The following TMEM164 variants were observed in gnomAD, a reference collection of about 807,000 sequenced individuals.
TMEM164 encodes the protein RP13-360B22.2.
In TMEM164, 4 loss-of-function variants were observed where a neutral mutation model predicts 18.8. The observed-to-expected ratio is 0.21, with a 90% CI of 0.10 to 0.49. TMEM164 has a LOEUF of 0.49. Ranked by LOEUF, TMEM164 falls within the 20% of genes least tolerant of loss-of-function variation. The pLI is 0.98. For missense variants in TMEM164, 108 were observed against 239.9 expected (o/e 0.45, Z 3.63); for synonymous variants, 86 against 101.7 (o/e 0.85, Z 0.93).
chrX:110,050,860 G>A (rs1179265774), intron 2 of TMEM164, among the ~76,000 whole-genome samples: 1 of 112,427 alleles, frequency 8.9e-6, no homozygotes, highest in East Asian at 2.8e-4. Flanking sequence ...CTAATTCAGG[G>A]TTGCTTTCAG....
intron 2 of TMEM164, among the ~76,000 whole-genome samples, chrX:110,049,371 G>T (rs1035526037): frequency 2.7e-5 from 3 of 110,742 alleles, no homozygotes; most frequent in African/African-American, 9.9e-5. Context: ...TCCATGGACT[G>T]AGGTGGGGGG....
chrX:110,093,795 A>T lies in TMEM164; in HGVS notation c.441-15285A>T, dbSNP rs184814981. On this transcript the variant is annotated intron_variant, in intron 3 of 6. Transcript: ENST00000372068. ...CTGTGATTTTAGGTGTCAATTTTAG[A>T]TCTTTCCTGCTTTCTCTTGTGGGCA... Among the ~76,000 whole-genome samples the T allele has an allele frequency of 3.6e-5, 4 of 111,551 alleles. No individual in the cohort carries two copies. In the Admixed American group the frequency reaches 3.8e-4, roughly 11 times the overall value.
intron 4 of TMEM164, among the ~76,000 whole-genome samples, chrX:110,119,909 T>C (rs1448281642): frequency 8.9e-6 from 1 of 111,882 alleles, no homozygotes; most frequent in East Asian, 2.8e-4. Flanking sequence ...TGAAGGGGGC[T>C]TTGTTTCTGC....
At chrX:110,020,281 T>C in intron 2 of TMEM164, 1 of 619,375 alleles carries the variant, frequency 1.6e-6, no homozygotes, top group African/African-American at 2.4e-5. Flanking sequence ...AATCCCTTTG[T>C]TTTCCAGATG....
intron 3 of TMEM164, among the ~76,000 whole-genome samples, chrX:110,095,188 C>T (rs1389993959): frequency 3.1e-4 from 34 of 111,158 alleles, no homozygotes; most frequent in Admixed American, 5.8e-4. Flanking sequence ...AGTATCTTTG[C>T]GGTGTTCTCT....
intron 5 of TMEM164, among the ~76,000 whole-genome samples, chrX:110,145,703 A>G (rs760911991): frequency 8.9e-6 from 1 of 112,123 alleles, no homozygotes; most frequent in African/African-American, 3.2e-5. Context: ...CCATACTGAA[A>G]GTGGCATGAG....
intron 3 of TMEM164, among the ~76,000 whole-genome samples, chrX:110,105,585 A>G (rs1325355839): frequency 2.8e-5 from 3 of 108,946 alleles, no homozygotes; most frequent in Non-Finnish European, 3.8e-5. Context: ...CAGAACACAC[A>G]AGGGGTTTAG....
At position 110,071,109 on chromosome X, in the gene TMEM164, A is replaced by G. The variant is rs1490670867; in HGVS notation, c.440+3713A>G. On this transcript the variant is annotated intron_variant, in intron 3 of 6. Coordinates refer to ENST00000372068, the MANE Select transcript of TMEM164 (RefSeq NM_032227.4). ...TGCTGTTGGTGTTTGTTAATAGTCTATTATACTTAAGTAGTTTTTACATTT... is the reference window on the plus strand; with the variant it reads ...TGCTGTTGGTGTTTGTTAATAGTCTGTTATACTTAAGTAGTTTTTACATTT... Among the ~76,000 whole-genome samples, 3 of 110,677 alleles carry G rather than the reference A, an allele frequency of 2.7e-5. 1 individual carries two copies. Among genetic ancestry groups the G allele is most frequent in the South Asian group, 7.4e-4 (2 of 2,691 alleles).
At chrX:110,166,439 G>A (rs113753123) in intron 5 of TMEM164, among the ~76,000 whole-genome samples, 5,682 of 112,247 alleles carry the variant, frequency 0.051, 361 homozygotes, top group African/African-American at 0.17. Context: ...TAGATGTTGA[G>A]TGAATGGGTA....
chrX:110,009,448 T>TTTTG (rs1366347074), intron 2 of TMEM164, among the ~76,000 whole-genome samples: 1 of 111,287 alleles, frequency 9.0e-6, no homozygotes, highest in Non-Finnish European at 1.9e-5. Context: ...GATCATTTTT[T>TTTTG]TTTGTTTGTT....
intron 5 of TMEM164, among the ~76,000 whole-genome samples, chrX:110,158,191 T>C (rs5942899): frequency 0.48 from 52,671 of 110,860 alleles, 11,739 homozygotes; most frequent in Non-Finnish European, 0.7. Flanking sequence ...CTGACCTGAA[T>C]TGAAATTTAA....
At chrX:110,052,792 A>T (rs1367793903) in intron 2 of TMEM164, among the ~76,000 whole-genome samples, 2 of 86,614 alleles carry the variant, frequency 2.3e-5, no homozygotes, top group African/African-American at 9.2e-5. Flanking sequence ...GCTCTGTCGC[A>T]TAGGCTGGAG....
intron 3 of TMEM164, among the ~76,000 whole-genome samples, chrX:110,081,577 A>G (rs188363433): frequency 2.0e-4 from 22 of 112,414 alleles, no homozygotes; most frequent in African/African-American, 6.1e-4. Flanking sequence ...TCCAGAGCCC[A>G]TGCTGCTAAT....
intron 4 of TMEM164, among the ~76,000 whole-genome samples, chrX:110,123,853 T>C (rs2066485618): frequency 9.0e-6 from 1 of 111,682 alleles, no homozygotes; most frequent in African/African-American, 3.3e-5. Flanking sequence ...GGCATGTGCC[T>C]GTAGTCCCAG....
chrX:110,109,456 T>C (rs1037232887), intron 4 of TMEM164, among the ~76,000 whole-genome samples: 11 of 111,953 alleles, frequency 9.8e-5, no homozygotes, highest in African/African-American at 3.6e-4. Flanking sequence ...TGGCAGAGGT[T>C]GCAGTGAGTC....
intron 2 of TMEM164, among the ~76,000 whole-genome samples, chrX:110,052,745 GTTTT>G (rs34292132): frequency 1.5e-5 from 1 of 68,817 alleles, no homozygotes. Context: ...ACATGCATCT[GTTTT>G]TTTTTTTTTT....
rs192865375 is a variant in TMEM164, at chrX:110,017,673, G to A, written c.390+13509G>A. 8.0e-4 allele frequency among the ~76,000 whole-genome samples: 82 copies of A among 102,828 alleles called. 1 individual carries two copies. The highest frequency in any genetic ancestry group is 2.8e-3 in the African/African-American group (78 of 28,024). The allele number at this position is 102,828 out of a possible 115,157, so 89.3% of individuals were successfully genotyped here. On this transcript the variant is annotated intron_variant, in intron 2 of 6. Transcript: ENST00000372068. Reference sequence around the variant, plus strand: ...CAATCTCCGCCTCCTGGGTTCAAGCGATTCTCCTGCCTCAGCCTCCCGAGT... The same window carrying A: ...CAATCTCCGCCTCCTGGGTTCAAGCAATTCTCCTGCCTCAGCCTCCCGAGT...
intron 3 of TMEM164, among the ~76,000 whole-genome samples, chrX:110,099,476 C>A (rs2066077627): frequency 9.0e-6 from 1 of 111,644 alleles, no homozygotes. Context: ...ATATGAATGT[C>A]CAATTGCTTC....
chrX:110,009,561 C>T (rs866921701), intron 2 of TMEM164, among the ~76,000 whole-genome samples: 6 of 111,756 alleles, frequency 5.4e-5, no homozygotes, highest in South Asian at 3.6e-4. Context: ...CTTTGTAACT[C>T]CTTGCAGAGC....
Sources: allele counts gnomAD v4.1 joint callset (sites outside exome capture counted in the v4.1 genomes callset), GRCh38; gene constraint gnomAD v4.1.1; transcripts MANE v1.5; gene names NCBI Gene and HGNC (gene_info 2026-07-23, HGNC 2026-07-21).